KSR2: variants seen among roughly 807,000 people sequenced by gnomAD.
The protein encoded by KSR2 is kinase suppressor of ras 2.
A neutral mutation model predicts 107.8 loss-of-function variants in KSR2; 25 were observed. The observed-to-expected ratio is 0.23, with a 90% CI of 0.17 to 0.32. The LOEUF is 0.32. KSR2 is among the 10% of genes least tolerant of loss of function. KSR2 has a pLI of 1.00. For synonymous variants in KSR2, 480 were observed against 507.0 expected, an observed-to-expected ratio of 0.95 and a Z score of 0.71; for missense variants, 887 against 1,268.9, an observed-to-expected ratio of 0.70 and a Z score of 4.57.
chr12:117,733,755 T>C (rs1471644482), intron 4 of KSR2, among the ~76,000 whole-genome samples: 1 of 152,142 alleles, frequency 6.6e-6, no homozygotes, highest in Non-Finnish European at 1.5e-5. Context: ...TGAATTATAA[T>C]TGATATTTTC....
At chr12:117,755,306 T>C (rs902148292) in intron 4 of KSR2, among the ~76,000 whole-genome samples, 27 of 152,250 alleles carry the variant, frequency 1.8e-4, no homozygotes, top group African/African-American at 6.3e-4. Flanking sequence ...AATTGAAGGT[T>C]TGTGGCAACC....
intron 1 of KSR2, among the ~76,000 whole-genome samples, chr12:117,936,704 T>C (rs1895860325): frequency 6.6e-6 from 1 of 152,094 alleles, no homozygotes; most frequent in Non-Finnish European, 1.5e-5. Context: ...ATTCAGTGAC[T>C]GTGAAAACAG....
In KSR2 at chr12:117,673,860, T is replaced by C. The variant is rs143193453; in HGVS notation, c.987-6202A>G. ...TGTCTCATCTGGAAATAAGGCCAAT[T>C]CAGAGAAAATCAACAAAATTAGGTG... On this transcript the variant is annotated intron_variant, in intron 4 of 19. Transcript: ENST00000339824. Among the ~76,000 whole-genome samples the C allele has an allele frequency of 2.0e-5, 3 of 152,288 alleles. No individual in the cohort carries two copies. In the East Asian group the frequency reaches 5.8e-4, roughly 29 times the overall value.
chr12:117,546,021 AGAG>A (rs1287041435), intron 9 of KSR2, among the ~76,000 whole-genome samples: 1 of 152,240 alleles, frequency 6.6e-6, no homozygotes, highest in Non-Finnish European at 1.5e-5. Context: ...TGGAAAATTA[AGAG>A]GAGAAGGTAT....
chr12:117,473,112 T>C (rs1459105643), intron 17 of KSR2, among the ~76,000 whole-genome samples: 1 of 152,160 alleles, frequency 6.6e-6, no homozygotes, highest in Non-Finnish European at 1.5e-5. Flanking sequence ...CTTCTTACCC[T>C]GCCTCCCCTG....
chr12:117,685,161 T>C (rs1593128333), intron 4 of KSR2, among the ~76,000 whole-genome samples: 2 of 152,286 alleles, frequency 1.3e-5, no homozygotes, highest in Non-Finnish European at 2.9e-5. Context: ...CCTGAGCTCA[T>C]CCAGACAGCG....
In KSR2 at chr12:117,583,466, T is replaced by C. The variant is rs564433607; in HGVS notation, c.1172-1107A>G. 1.6e-4 allele frequency among the ~76,000 whole-genome samples: 24 copies of C among 148,036 alleles called. 1 individual carries two copies. In the South Asian group the frequency reaches 5.2e-3, roughly 32 times the overall value. On this transcript the variant is annotated intron_variant, in intron 5 of 19. Coordinates refer to ENST00000339824, the MANE Select transcript of KSR2 (RefSeq NM_173598.6). ...ATGGATGGATGGATGGATGGATGGG[T>C]GAATGGAAAGATGGGTAGGTGAGTG...
At chr12:117,738,633 G>A (rs1029881474) in intron 4 of KSR2, among the ~76,000 whole-genome samples, 1 of 151,914 alleles carries the variant, frequency 6.6e-6, no homozygotes, top group Non-Finnish European at 1.5e-5. Flanking sequence ...CCAGCACTTT[G>A]GGAGGCTGAG....
intron 14 of KSR2, among the ~76,000 whole-genome samples, chr12:117,522,049 C>A (rs1235672723): frequency 1.3e-5 from 2 of 152,208 alleles, no homozygotes; most frequent in African/African-American, 4.8e-5. Flanking sequence ...ACCAATTACA[C>A]ATCCCAAAGC....
intron 3 of KSR2, among the ~76,000 whole-genome samples, chr12:117,808,894 G>A (rs1261490981): frequency 6.6e-6 from 1 of 152,106 alleles, no homozygotes; most frequent in Non-Finnish European, 1.5e-5. Flanking sequence ...TTCTAGACAT[G>A]GTCAGTAAGA....
At chr12:117,489,591 T>C (rs1872643810) in intron 14 of KSR2, among the ~76,000 whole-genome samples, 1 of 149,806 alleles carries the variant, frequency 6.7e-6, no homozygotes, top group Non-Finnish European at 1.5e-5. Flanking sequence ...GAATTAACAA[T>C]TAATATAATT....
chr12:117,480,685 C>T (rs1340525398), intron 16 of KSR2, among the ~76,000 whole-genome samples: 1 of 152,128 alleles, frequency 6.6e-6, no homozygotes, highest in African/African-American at 2.4e-5. Flanking sequence ...CAAGTGACTC[C>T]TGCTGAGTGC....
rs545178420 is a variant in KSR2 at position 117,789,442 on chromosome 12, T to C, written c.473-27918A>G. Among the ~76,000 whole-genome samples, 17 of 152,320 alleles carry C rather than the reference T, an allele frequency of 1.1e-4. No individual in the cohort carries two copies. The South Asian group carries it at 3.5e-3, about 32-fold the overall frequency. On this transcript the variant is annotated intron_variant, in intron 3 of 19. Transcript: ENST00000339824. Reference sequence around the variant, plus strand: ...ATCCTCTGAGATGCTTCCACCTCTGTTGCCTCATGTATCCACCAGGGAAAA... The same window carrying C: ...ATCCTCTGAGATGCTTCCACCTCTGCTGCCTCATGTATCCACCAGGGAAAA...
intron 4 of KSR2, among the ~76,000 whole-genome samples, chr12:117,754,066 G>A (rs1888704206): frequency 6.7e-6 from 1 of 149,504 alleles, no homozygotes; most frequent in African/African-American, 2.5e-5. Context: ...AGGAAAAGAA[G>A]AAAATAAACA....
At chr12:117,780,604 T>C (rs1318495507) in intron 3 of KSR2, among the ~76,000 whole-genome samples, 1 of 152,208 alleles carries the variant, frequency 6.6e-6, no homozygotes, top group African/African-American at 2.4e-5. Flanking sequence ...GAAAAAGCTC[T>C]GAAGATGGAT....
At chr12:117,876,163 C>T (rs779505803) in intron 1 of KSR2, among the ~76,000 whole-genome samples, 44 of 152,344 alleles carry the variant, frequency 2.9e-4, no homozygotes, top group African/African-American at 1.1e-3. Flanking sequence ...GCAGCCCCGA[C>T]GCCTTCCCGC....
intron 3 of KSR2, among the ~76,000 whole-genome samples, chr12:117,825,768 A>G (rs1383876835): frequency 6.6e-6 from 1 of 152,132 alleles, no homozygotes. Flanking sequence ...CCTGGGATAT[A>G]GAAGGGGCTC....
rs201771515 is a variant in KSR2 at position 117,740,927 on chromosome 12, A to C, written c.986+20084T>G. On this transcript the variant is annotated intron_variant, in intron 4 of 19. Transcript: ENST00000339824. ...ACCGTGTCTGAGGCCCTCACGGCAG[A>C]TCTTCTTGGGGGAATCCCCCATCTC... 2.6e-5 allele frequency among the ~76,000 whole-genome samples: 4 copies of C among 152,158 alleles called. No homozygotes were observed. The East Asian group carries it at 5.8e-4, about 22-fold the overall frequency.
chr12:117,623,232 GTTTTT>G (rs574118654), intron 5 of KSR2, among the ~76,000 whole-genome samples: 5 of 151,904 alleles, frequency 3.3e-5, no homozygotes, highest in African/African-American at 4.8e-5. Context: ...ATGCCTTTGG[GTTTTT>G]TTTAATTATT....
Sources: allele counts gnomAD v4.1 joint callset (sites outside exome capture counted in the v4.1 genomes callset), GRCh38; gene constraint gnomAD v4.1.1; transcripts MANE v1.5; gene names NCBI Gene and HGNC (gene_info 2026-07-23, HGNC 2026-07-21).